The following CFAP299 variants were observed in gnomAD, a reference collection of about 807,000 sequenced individuals.
The protein encoded by CFAP299 is cilia and flagella associated protein 299, also known as cilia- and flagella-associated protein 299.
Under a neutral mutation model 27.0 loss-of-function variants are expected in CFAP299, and 21 were observed. That is an observed-to-expected ratio of 0.78 (90% CI 0.55 to 1.12). The LOEUF (loss-of-function observed/expected upper bound fraction) is 1.12, where lower values mean the gene tolerates loss of function less well. CFAP299 is among the 50% of genes most tolerant of loss of function. The probability of loss-of-function intolerance (pLI) is 0.00; values close to 1 mark genes in which losing one functional copy is unlikely to be tolerated. For missense variants in CFAP299, 310 were observed against 276.6 expected, an observed-to-expected ratio of 1.12 and a Z score of -0.86; for synonymous variants, 104 against 98.1, an observed-to-expected ratio of 1.06 and a Z score of -0.36.
At chr4:80,796,427 G>C (rs1396994552) in intron 3 of CFAP299, among the ~76,000 whole-genome samples, 1 of 152,192 alleles carries the variant, frequency 6.6e-6, no homozygotes, top group Non-Finnish European at 1.5e-5. Flanking sequence ...ATATCTTGCA[G>C]AAGTGAAAAG....
chr4:80,760,123 G>A (rs1725469005), intron 3 of CFAP299, among the ~76,000 whole-genome samples: 1 of 151,890 alleles, frequency 6.6e-6, no homozygotes, highest in Middle Eastern at 3.2e-3. Context: ...CTGCAGTAAA[G>A]TCAAATAGGA....
chr4:80,888,114 G>A (rs984288122), intron 4 of CFAP299, among the ~76,000 whole-genome samples: 1 of 152,002 alleles, frequency 6.6e-6, no homozygotes. Flanking sequence ...ATAACAAAAT[G>A]GCAAGAGTAA....
rs1485238588 is a variant in CFAP299, at chr4:80,362,657, A to T, written c.112-97A>T. 3.2e-6 allele frequency: 4 copies of T among 1,265,920 alleles called. No homozygotes were observed. In the African/African-American group the frequency reaches 6.0e-5, roughly 19 times the overall value. The allele number at this position is 1,265,920 out of a possible 1,614,324, so 78.4% of individuals were successfully genotyped here. ...TACATTTAATTTTTCATTTAAAGCA[A>T]TTGCTTGGTATACATTGCAGATGTA... On this transcript the variant is annotated intron_variant, in intron 1 of 5. Coordinates refer to ENST00000358105, the MANE Select transcript of CFAP299 (RefSeq NM_152770.3).
At chr4:80,750,141 T>A (rs145638868) in intron 3 of CFAP299, among the ~76,000 whole-genome samples, 1 of 152,290 alleles carries the variant, frequency 6.6e-6, no homozygotes, top group African/African-American at 2.4e-5. Context: ...AAATGTATGA[T>A]AAATCATTCA....
intron 2 of CFAP299, among the ~76,000 whole-genome samples, chr4:80,537,882 C>T (rs1050717950): frequency 6.6e-6 from 1 of 151,878 alleles, no homozygotes; most frequent in Non-Finnish European, 1.5e-5. Flanking sequence ...CTTGATTTAA[C>T]CATTTCCCAA....
chr4:80,839,302 A>AGTTGTCTAGAAC (rs1184387048), intron 3 of CFAP299, among the ~76,000 whole-genome samples: 2 of 152,160 alleles, frequency 1.3e-5, no homozygotes, highest in African/African-American at 4.8e-5. Context: ...GAAAATGACA[A>AGTTGTCTAGAAC]GTTGTCTAGA....
intron 4 of CFAP299, among the ~76,000 whole-genome samples, chr4:80,896,990 T>G (rs1048149808): frequency 6.6e-6 from 1 of 152,110 alleles, no homozygotes; most frequent in Non-Finnish European, 1.5e-5. Context: ...AGTTTATCTT[T>G]GAAAAATGAA....
chr4:80,688,730 T>C (rs906661085), intron 3 of CFAP299, among the ~76,000 whole-genome samples: 1 of 151,040 alleles, frequency 6.6e-6, no homozygotes, highest in African/African-American at 2.4e-5. Flanking sequence ...AGGCTTCAGA[T>C]GATCAAATTA....
At chr4:80,899,484 C>T (rs896214760) in intron 4 of CFAP299, among the ~76,000 whole-genome samples, 14 of 152,014 alleles carry the variant, frequency 9.2e-5, no homozygotes, top group African/African-American at 2.4e-4. Flanking sequence ...TAAAAGGAAA[C>T]GTAGAGCACA....
chr4:80,453,346 T>A (rs985970117), intron 2 of CFAP299, among the ~76,000 whole-genome samples: 4 of 152,176 alleles, frequency 2.6e-5, no homozygotes, highest in Non-Finnish European at 4.4e-5. Context: ...TTAAAATCCC[T>A]TTACGAATAT....
intron 3 of CFAP299, among the ~76,000 whole-genome samples, chr4:80,828,225 C>T (rs749715153): frequency 1.1e-4 from 16 of 151,664 alleles, no homozygotes; most frequent in South Asian, 6.2e-4. Flanking sequence ...TCTCAAGGGA[C>T]CTGGAAGAGC....
intron 1 of CFAP299, among the ~76,000 whole-genome samples, chr4:80,341,519 G>A (rs1041861816): frequency 6.6e-6 from 1 of 152,116 alleles, no homozygotes; most frequent in Non-Finnish European, 1.5e-5. Flanking sequence ...GCCTTCACTG[G>A]TGATACCTTC....
intron 4 of CFAP299, among the ~76,000 whole-genome samples, chr4:80,916,252 AATATATATATATATATAT>A (rs10696316): frequency 0.047 from 2,837 of 60,970 alleles, 224 homozygotes; most frequent in East Asian, 0.23. Flanking sequence ...ACTAGACTGA[AATATATATATATATATAT>A]ATATATATAT....
Position 80,651,750 on chromosome 4 carries a change from G to T in CFAP299, c.333+68567G>T, listed in dbSNP as rs181855977. Among the ~76,000 whole-genome samples the T allele has an allele frequency of 3.1e-3, 466 of 150,408 alleles. 4 individuals carry two copies. The highest frequency in any genetic ancestry group is 0.011 in the African/African-American group (445 of 40,294). ...TGTGTGTGTGTGTGTTTGTGTGTCT[G>T]TGGTGGACTATAATAAATAGGCACA... On this transcript the variant is annotated intron_variant, in intron 3 of 5. Coordinates refer to ENST00000358105, the MANE Select transcript of CFAP299 (RefSeq NM_152770.3).
chr4:80,341,054 G>A (rs1001012976), intron 1 of CFAP299, among the ~76,000 whole-genome samples: 1 of 152,186 alleles, frequency 6.6e-6, no homozygotes, highest in Non-Finnish European at 1.5e-5. Context: ...AGGATTACAG[G>A]TGTGAGCCAC....
At chr4:80,960,165 G>A (rs905526810) in intron 5 of CFAP299, among the ~76,000 whole-genome samples, 1 of 150,294 alleles carries the variant, frequency 6.7e-6, no homozygotes, top group Non-Finnish European at 1.5e-5. Context: ...AAGAAAACAA[G>A]CCCATCAAGA....
chr4:80,495,139 T>G (rs1021936692), intron 2 of CFAP299, among the ~76,000 whole-genome samples: 42 of 152,224 alleles, frequency 2.8e-4, no homozygotes, highest in African/African-American at 9.4e-4. Flanking sequence ...CTAAATTTTG[T>G]GGATTTGGTG....
At chr4:80,327,444 GT>G in the CFAP299 span, among the ~76,000 whole-genome samples, 1 of 151,864 alleles carries the variant, frequency 6.6e-6, no homozygotes, top group Non-Finnish European at 1.5e-5. Flanking sequence ...TCTAACTGCA[GT>G]GGAAGTCAAT....
At chr4:80,812,879 A>G (rs1486861437) in intron 3 of CFAP299, among the ~76,000 whole-genome samples, 1 of 152,120 alleles carries the variant, frequency 6.6e-6, no homozygotes, top group Non-Finnish European at 1.5e-5. Flanking sequence ...TTTGGATCTA[A>G]TGACATCACT....
Sources: allele counts gnomAD v4.1 joint callset (sites outside exome capture counted in the v4.1 genomes callset), GRCh38; gene constraint gnomAD v4.1.1; transcripts MANE v1.5; gene names NCBI Gene and HGNC (gene_info 2026-07-23, HGNC 2026-07-21).